The following FMN1 variants were observed in gnomAD, a reference collection of about 807,000 sequenced individuals.
FMN1 encodes the protein formin-1.
FMN1 carries 110 observed loss-of-function variants against 132.4 expected under a neutral mutation model. The observed-to-expected ratio is 0.83, with a 90% confidence interval of 0.71 to 0.97. The LOEUF is 0.97. Ranked by LOEUF, FMN1 falls within the 50% of genes least tolerant of loss-of-function variation. FMN1 has a pLI of 0.00. For missense variants in FMN1, 1,792 were observed against 1,705.3 expected (o/e 1.05, Z -0.90); for synonymous variants, 722 against 651.7 (o/e 1.11, Z -1.64).
chr15:32,783,659 C>T lies in FMN1; in HGVS notation c.4131-6740G>A, dbSNP rs562089803. Reference sequence around the variant, plus strand: ...TCAGGAGGCTGAGGCAGGAGAATGGCGTGAACCCGGGGTCGGGGGAGCTTG... The same window carrying T: ...TCAGGAGGCTGAGGCAGGAGAATGGTGTGAACCCGGGGTCGGGGGAGCTTG... On this transcript the variant is annotated intron_variant, in intron 19 of 20. Coordinates refer to ENST00000616417, the MANE Select transcript of FMN1 (RefSeq NM_001277313.2). Among the ~76,000 whole-genome samples the T allele has an allele frequency of 1.8e-3, 250 of 137,880 alleles. 1 individual carries two copies. Among genetic ancestry groups the T allele is most frequent in the Non-Finnish European group, 3.0e-3 (196 of 65,454 alleles). 90.5% of individuals were successfully genotyped at this position (137,880 alleles called of 152,430 possible). A position where few individuals can be genotyped will look rare whatever the true frequency, so the allele number is the denominator to read the frequency against.
intron 12 of FMN1, among the ~76,000 whole-genome samples, chr15:32,902,685 T>C (rs2060326483): frequency 6.6e-6 from 1 of 152,208 alleles, no homozygotes; most frequent in African/African-American, 2.4e-5. Flanking sequence ...TCCTTAAAAA[T>C]GTGGCAAGAC....
intron 15 of FMN1, among the ~76,000 whole-genome samples, chr15:32,896,937 A>G (rs1054696762): frequency 6.6e-6 from 1 of 152,114 alleles, no homozygotes. Context: ...CAGAAGTGAG[A>G]TTGTCTGATC....
chr15:32,768,434 C>G lies in FMN1; in HGVS notation c.*5876G>C, dbSNP rs1165969015. On this transcript the variant is annotated 3_prime_UTR_variant, in exon 21 of 21. Coordinates refer to ENST00000616417, the MANE Select transcript of FMN1 (RefSeq NM_001277313.2). ...TGTGTGCCTGAAATCTGATTTCCTTCTTGATGTATTAAGATAATGCATTGG... is the reference window on the plus strand; with the variant it reads ...TGTGTGCCTGAAATCTGATTTCCTTGTTGATGTATTAAGATAATGCATTGG... The G allele has an allele frequency of 6.6e-6, 1 of 152,190 alleles. No homozygotes were observed. The highest frequency in any genetic ancestry group is 1.9e-4 in the East Asian group (1 of 5,198). The allele number at this position is 152,190 out of a possible 1,614,324, so 9.4% of individuals were successfully genotyped here.
intron 16 of FMN1, among the ~76,000 whole-genome samples, chr15:32,875,932 G>C (rs999504132): frequency 6.6e-6 from 1 of 152,104 alleles, no homozygotes; most frequent in African/African-American, 2.4e-5. Context: ...GGGTGATCCC[G>C]GCCATGCTGC....
chr15:32,868,575 T>C (rs866608589), intron 16 of FMN1, among the ~76,000 whole-genome samples: 1 of 152,220 alleles, frequency 6.6e-6, no homozygotes, highest in African/African-American at 2.4e-5. Flanking sequence ...ACTGTATGTA[T>C]GTATATGTAG....
At chr15:33,135,901 T>C (rs548780389) in intron 4 of FMN1, among the ~76,000 whole-genome samples, 1 of 152,330 alleles carries the variant, frequency 6.6e-6, no homozygotes, top group East Asian at 1.9e-4. Flanking sequence ...TCTTCACCCT[T>C]CTAGAATGAG....
chr15:32,823,295 G>C (rs2058279956), intron 17 of FMN1, among the ~76,000 whole-genome samples: 1 of 151,354 alleles, frequency 6.6e-6, no homozygotes, highest in South Asian at 2.1e-4. Flanking sequence ...CCGAGTAGCT[G>C]GGACTACAGG....
chr15:32,886,073 G>C (rs1423666715), intron 16 of FMN1, among the ~76,000 whole-genome samples: 1 of 152,170 alleles, frequency 6.6e-6, no homozygotes, highest in African/African-American at 2.4e-5. Flanking sequence ...GAAACGTTAA[G>C]ATGAAACGGA....
chr15:33,151,205 G>A (rs1158064415), intron 4 of FMN1: 1 of 1,525,284 alleles, frequency 6.6e-7, no homozygotes, highest in Non-Finnish European at 8.8e-7. Flanking sequence ...AATGGCTGGA[G>A]GCCCTATAGG....
chr15:33,069,993 C>CTCTTT (rs398026774), intron 5 of FMN1, among the ~76,000 whole-genome samples: 11,219 of 74,460 alleles, frequency 0.15, 1,676 homozygotes, highest in Non-Finnish European at 0.19. Flanking sequence ...CAGTCTTTCT[C>CTCTTT]TTTTTTTTTT....
At chr15:33,126,906 A>G (rs1963136368) in intron 4 of FMN1, among the ~76,000 whole-genome samples, 1 of 152,256 alleles carries the variant, frequency 6.6e-6, no homozygotes, top group African/African-American at 2.4e-5. Flanking sequence ...GCAAAGTGGG[A>G]TAAACGTTTC....
intron 3 of FMN1, among the ~76,000 whole-genome samples, chr15:33,156,619 T>C (rs763766928): frequency 1.3e-5 from 2 of 152,126 alleles, no homozygotes; most frequent in Non-Finnish European, 2.9e-5. Context: ...AAAATGCTTA[T>C]TGCTAGCATT....
At chr15:32,937,709 G>C (rs2061310975) in intron 9 of FMN1, among the ~76,000 whole-genome samples, 1 of 152,256 alleles carries the variant, frequency 6.6e-6, no homozygotes, top group Admixed American at 6.5e-5. Context: ...AGAGCAGACT[G>C]ATCTGAGACT....
chr15:33,013,627 G>T (rs1006901638), intron 6 of FMN1, among the ~76,000 whole-genome samples: 3 of 152,098 alleles, frequency 2.0e-5, no homozygotes, highest in Admixed American at 6.5e-5. Context: ...TTTGAAAACT[G>T]GTTACATTCG....
chr15:32,999,230 T>C (rs996360751), intron 7 of FMN1, among the ~76,000 whole-genome samples: 2 of 152,196 alleles, frequency 1.3e-5, no homozygotes, highest in African/African-American at 2.4e-5. Flanking sequence ...TCCCTCACAG[T>C]ATTATCTGGG....
intron 7 of FMN1, among the ~76,000 whole-genome samples, chr15:32,979,924 A>T (rs2032515923): frequency 6.6e-6 from 1 of 152,188 alleles, no homozygotes; most frequent in Non-Finnish European, 1.5e-5. Context: ...TCATTACTTA[A>T]ACAAATGACC....
At position 33,128,632 on chromosome 15, in the gene FMN1, G is replaced by A. The variant is rs1595540049; in HGVS notation, c.1867+24416C>T. On this transcript the variant is annotated intron_variant, in intron 4 of 20. Coordinates refer to ENST00000616417, the MANE Select transcript of FMN1 (RefSeq NM_001277313.2). ...GCGGACCTTTGCGGCAAGTGTTACA[G>A]CTCTTAAAGACGGTGCGTCCGGATG... Among the ~76,000 whole-genome samples the A allele has an allele frequency of 3.3e-5, 5 of 152,204 alleles. No individual in the cohort carries two copies. In the South Asian group the frequency reaches 8.3e-4, roughly 25 times the overall value.
At chr15:33,177,858 A>G (rs1441560509) in intron 3 of FMN1, among the ~76,000 whole-genome samples, 1 of 152,018 alleles carries the variant, frequency 6.6e-6, no homozygotes, top group Non-Finnish European at 1.5e-5. Flanking sequence ...TACAAAAAAA[A>G]TTAGCCAGGC....
chr15:33,005,563 A>C (rs1277723790), intron 7 of FMN1, among the ~76,000 whole-genome samples: 1 of 152,232 alleles, frequency 6.6e-6, no homozygotes, highest in Non-Finnish European at 1.5e-5. Context: ...TTGCAGAGAC[A>C]GAATGAGATA....
Sources: gnomAD v4.1 joint callset for allele counts (sites outside exome capture counted in the v4.1 genomes callset) on GRCh38, gnomAD v4.1.1 for gene constraint, MANE v1.5 for transcripts, NCBI Gene and HGNC (gene_info 2026-07-23, HGNC 2026-07-21) for gene names.